Variants in CAST observed in about 807,000 individuals in gnomAD.
CAST encodes MIR583 host.
In CAST, 76 loss-of-function variants were observed where a neutral mutation model predicts 119.6. The ratio of observed to expected loss-of-function variants is 0.64; its 90% CI spans 0.53 to 0.77. CAST has a LOEUF of 0.77. CAST is among the 30% of genes least tolerant of loss of function. The pLI is 0.00. For missense variants in CAST, 953 were observed against 946.5 expected (o/e 1.01, Z -0.09); for synonymous variants, 319 against 331.6 (o/e 0.96, Z 0.41).
chr5:96,738,057 C>T (rs1053066467), intron 11 of CAST, 110 bp downstream of exon 11: 4 of 646,936 alleles, frequency 6.2e-6, no homozygotes, highest in Non-Finnish European at 1.1e-5. Flanking sequence ...CGCAGTGGCT[C>T]ACATCTGTAA....
the CAST span, among the ~76,000 whole-genome samples, chr5:96,109,180 G>C: frequency 1.3e-5 from 2 of 152,174 alleles, no homozygotes; most frequent in Admixed American, 6.5e-5. Flanking sequence ...GAAATCACCC[G>C]TCTTCTGTGT....
At chr5:96,632,430 G>T (rs1343998645) in intron 1 of CAST, among the ~76,000 whole-genome samples, 1 of 150,686 alleles carries the variant, frequency 6.6e-6, no homozygotes, top group Non-Finnish European at 1.5e-5. Flanking sequence ...AATATACTAA[G>T]ATAAATAAAT....
chr5:96,102,884 A>G, the CAST span, among the ~76,000 whole-genome samples: 1 of 152,150 alleles, frequency 6.6e-6, no homozygotes, highest in Non-Finnish European at 1.5e-5. Flanking sequence ...CTGCCAATCT[A>G]TTATGGGAGG....
At chr5:96,444,455 G>C in the CAST span, among the ~76,000 whole-genome samples, 1 of 152,110 alleles carries the variant, frequency 6.6e-6, no homozygotes, top group Non-Finnish European at 1.5e-5. Flanking sequence ...CAATCTGCTG[G>C]TTTCTGTAAT....
the CAST span, among the ~76,000 whole-genome samples, chr5:96,320,302 A>G: frequency 2.3e-5 from 3 of 131,444 alleles, no homozygotes; most frequent in South Asian, 7.8e-4. Context: ...CAATGGCATG[A>G]TCTCAGCTCA....
the CAST span, among the ~76,000 whole-genome samples, chr5:96,221,010 C>T: frequency 6.6e-6 from 1 of 152,118 alleles, no homozygotes; most frequent in African/African-American, 2.4e-5. Context: ...CATATATTTT[C>T]AATGTTAAAT....
chr5:95,993,688 G>A, the CAST span, among the ~76,000 whole-genome samples: 5 of 152,230 alleles, frequency 3.3e-5, no homozygotes, highest in African/African-American at 7.2e-5. Context: ...TTAAGAAAAT[G>A]AAAAGGCAAG....
chr5:96,130,202 T>C, the CAST span, among the ~76,000 whole-genome samples: 1 of 151,942 alleles, frequency 6.6e-6, no homozygotes, highest in Non-Finnish European at 1.5e-5. Flanking sequence ...GTTGATAGAA[T>C]GTATCTTCAA....
intron 22 of CAST, 90 bp from the exon 23 acceptor site, chr5:96,757,354 A>T (rs1287342403): frequency 1.7e-6 from 2 of 1,146,272 alleles, no homozygotes; most frequent in Non-Finnish European, 2.6e-6. Context: ...AGCAAGTATA[A>T]CCTGTAGACC....
chr5:96,163,572 T>G, the CAST span, among the ~76,000 whole-genome samples: 1 of 152,232 alleles, frequency 6.6e-6, no homozygotes, highest in East Asian at 1.9e-4. Flanking sequence ...ATAGCTAGAT[T>G]ACTTTCTGAA....
At chr5:96,496,264 A>T in the CAST span, among the ~76,000 whole-genome samples, 1 of 152,152 alleles carries the variant, frequency 6.6e-6, no homozygotes, top group South Asian at 2.1e-4. Flanking sequence ...TATTTTCAAA[A>T]ATCTTCAAAT....
chr5:96,511,825 G>A, the CAST span, among the ~76,000 whole-genome samples: 7 of 152,206 alleles, frequency 4.6e-5, no homozygotes, highest in Non-Finnish European at 1.0e-4. Context: ...ATTTATCTGA[G>A]TGCTTCTCTC....
the CAST span, among the ~76,000 whole-genome samples, chr5:96,364,466 G>A: frequency 6.6e-6 from 1 of 152,068 alleles, no homozygotes; most frequent in Non-Finnish European, 1.5e-5. Context: ...ACTTTTTTTG[G>A]TTGGTAGGCT....
At chr5:96,756,505 G>A (rs947915813) in intron 22 of CAST, among the ~76,000 whole-genome samples, 2 of 152,142 alleles carry the variant, frequency 1.3e-5, no homozygotes, top group African/African-American at 4.8e-5. Flanking sequence ...TATTTGCCTC[G>A]TATCTGTTGA....
chr5:96,680,865 A>G (rs26484), intron 2 of CAST, among the ~76,000 whole-genome samples: 28,716 of 152,222 alleles, frequency 0.19, 3,108 homozygotes, highest in East Asian at 0.32. Flanking sequence ...TGTCATGACA[A>G]GAGAGTTCAT....
the CAST span, chr5:96,392,638 GT>G: frequency 8.7e-6 from 2 of 230,516 alleles, no homozygotes; most frequent in African/African-American, 4.6e-5. Context: ...TGCAGATTAT[GT>G]TTTCAAATTA....
At chr5:96,570,381 T>C (rs1746547659) in intron 1 of CAST, among the ~76,000 whole-genome samples, 1 of 152,124 alleles carries the variant, frequency 6.6e-6, no homozygotes, top group Non-Finnish European at 1.5e-5. Context: ...CTGTTGTAGA[T>C]ATCAAGGTAA....
intron 1 of CAST, among the ~76,000 whole-genome samples, chr5:96,585,792 T>C (rs972279448): frequency 6.6e-6 from 1 of 152,186 alleles, no homozygotes; most frequent in Non-Finnish European, 1.5e-5. Context: ...ATTTCAAAAA[T>C]ATAAATAATA....
chr5:96,065,014 G>C, the CAST span, among the ~76,000 whole-genome samples: 1 of 151,990 alleles, frequency 6.6e-6, no homozygotes, highest in African/African-American at 2.4e-5. Flanking sequence ...GTATATTTCT[G>C]GATTAAACAT....
Sources: gnomAD v4.1 joint callset for allele counts (sites outside exome capture counted in the v4.1 genomes callset) on GRCh38, gnomAD v4.1.1 for gene constraint, MANE v1.5 for transcripts, NCBI Gene and HGNC (gene_info 2026-07-23, HGNC 2026-07-21) for gene names.